CCDC91: variants seen among roughly 807,000 people sequenced by gnomAD.
The protein encoded by CCDC91 is coiled-coil domain-containing protein 91.
Under a neutral mutation model 63.2 loss-of-function variants are expected in CCDC91, and 48 were observed. The ratio of observed to expected loss-of-function variants is 0.76; its 90% CI spans 0.60 to 0.97. CCDC91 has a LOEUF of 0.97. Ranked by LOEUF, CCDC91 falls within the 50% of genes least tolerant of loss-of-function variation. The pLI is 0.00. For synonymous variants in CCDC91, 167 were observed against 165.8 expected (o/e 1.01, Z -0.06); for missense variants, 500 against 494.6 (o/e 1.01, Z -0.10).
At chr12:28,213,341 C>T (rs1465214986) in intron 1 of CCDC91, among the ~76,000 whole-genome samples, 2 of 152,172 alleles carry the variant, frequency 1.3e-5, no homozygotes, top group Non-Finnish European at 2.9e-5. Flanking sequence ...AAGTGTGACC[C>T]ATGAAGACAT....
intron 8 of CCDC91, among the ~76,000 whole-genome samples, chr12:28,434,023 T>G (rs1948767704): frequency 6.6e-6 from 1 of 151,922 alleles, no homozygotes; most frequent in Non-Finnish European, 1.5e-5. Flanking sequence ...GGAAAAAGAT[T>G]GACTGTTCTA....
intron 12 of CCDC91, among the ~76,000 whole-genome samples, chr12:28,512,044 T>C (rs1374153076): frequency 6.6e-6 from 1 of 151,874 alleles, no homozygotes; most frequent in African/African-American, 2.4e-5. Flanking sequence ...TACCATCTTG[T>C]GTTCATCTTA....
chr12:28,478,796 G>A (rs1272886841), intron 11 of CCDC91, among the ~76,000 whole-genome samples: 1 of 152,018 alleles, frequency 6.6e-6, no homozygotes, highest in African/African-American at 2.4e-5. Context: ...TCAAAAAGTG[G>A]GCAAAGTATA....
intron 6 of CCDC91, among the ~76,000 whole-genome samples, chr12:28,326,348 TTGAA>T (rs1400374076): frequency 1.3e-5 from 2 of 151,588 alleles, no homozygotes; most frequent in East Asian, 3.9e-4. Context: ...AATTTAATGT[TTGAA>T]TGATTTTTAT....
intron 1 of CCDC91, among the ~76,000 whole-genome samples, chr12:28,249,748 G>C (rs1208319637): frequency 2.0e-5 from 3 of 151,756 alleles, no homozygotes; most frequent in Admixed American, 6.6e-5. Context: ...CAGTAAAGAG[G>C]ATAAAGGACT....
At chr12:28,210,017 G>A (rs1206958694) in intron 1 of CCDC91, among the ~76,000 whole-genome samples, 1 of 152,022 alleles carries the variant, frequency 6.6e-6, no homozygotes, top group Non-Finnish European at 1.5e-5. Context: ...CAACATGCTT[G>A]TACTTTCTGA....
chr12:28,488,676 A>G (rs1446881871), intron 12 of CCDC91, among the ~76,000 whole-genome samples: 1 of 151,950 alleles, frequency 6.6e-6, no homozygotes, highest in East Asian at 1.9e-4. Context: ...GGCAGAAATT[A>G]TCTAATTTTA....
chr12:28,288,413 G>A (rs1949031863), intron 3 of CCDC91, among the ~76,000 whole-genome samples: 1 of 152,178 alleles, frequency 6.6e-6, no homozygotes, highest in South Asian at 2.1e-4. Context: ...ATGAAGGAAT[G>A]TTGAATTTTA....
In CCDC91 at chr12:28,362,482, C is replaced by T. The variant is rs765831504; in HGVS notation, c.621C>T (p.His207=). The change falls in exon 7 of 13, where the codon CAC becomes CAT. Residue 207 remains histidine (H), a synonymous_variant. Transcript: ENST00000536442. ...TGGAAGACATGAGGAAAGCTGGTCACGAAGCCCTCAGCATTATTGTGGATG... is the reference window on the plus strand; with the variant it reads ...TGGAAGACATGAGGAAAGCTGGTCATGAAGCCCTCAGCATTATTGTGGATG... ...QELEDMRKAG[H]EALSIIVDEY... is the part of the protein sequence containing the mutation. 34 of 1,598,442 alleles carry T rather than the reference C, an allele frequency of 2.1e-5. No homozygotes were observed. The Admixed American group carries it at 2.4e-4, about 11-fold the overall frequency.
At chr12:28,366,366 C>T (rs552826871) in intron 7 of CCDC91, among the ~76,000 whole-genome samples, 1 of 152,254 alleles carries the variant, frequency 6.6e-6, no homozygotes, top group East Asian at 1.9e-4. Flanking sequence ...AAACAAACCT[C>T]ACGAAAAGCC....
At chr12:28,503,884 A>G (rs1167236926) in intron 12 of CCDC91, among the ~76,000 whole-genome samples, 2 of 151,106 alleles carry the variant, frequency 1.3e-5, no homozygotes, top group African/African-American at 2.4e-5. Context: ...GAATTGAACA[A>G]TGAGAACACA....
chr12:28,420,404 C>A (rs1947930967), intron 8 of CCDC91, among the ~76,000 whole-genome samples: 1 of 152,002 alleles, frequency 6.6e-6, no homozygotes, highest in African/African-American at 2.4e-5. Flanking sequence ...GTGAATAATT[C>A]TTTTATTTAA....
intron 3 of CCDC91, among the ~76,000 whole-genome samples, chr12:28,277,003 A>G (rs1319999002): frequency 6.6e-6 from 1 of 151,956 alleles, no homozygotes; most frequent in Non-Finnish European, 1.5e-5. Context: ...GAGATATGGT[A>G]TCAGTTTTCC....
At chr12:28,256,366 C>G (rs1156887007) in intron 1 of CCDC91, among the ~76,000 whole-genome samples, 1 of 151,354 alleles carries the variant, frequency 6.6e-6, no homozygotes, top group East Asian at 1.9e-4. Flanking sequence ...TATACTTCCT[C>G]TTACTAATTT....
chr12:28,384,755 T>G (rs1945499239), intron 7 of CCDC91, among the ~76,000 whole-genome samples: 1 of 152,076 alleles, frequency 6.6e-6, no homozygotes. Flanking sequence ...TTCATGTGAT[T>G]TTGGCCATAT....
chr12:28,288,364 C>T (rs1346325571), intron 3 of CCDC91, among the ~76,000 whole-genome samples: 1 of 152,004 alleles, frequency 6.6e-6, no homozygotes, highest in African/African-American at 2.4e-5. Flanking sequence ...TATTTTGAGG[C>T]ATGTTCTTTC....
intron 1 of CCDC91, among the ~76,000 whole-genome samples, chr12:28,247,814 G>A (rs1945855922): frequency 1.3e-5 from 2 of 152,158 alleles, no homozygotes; most frequent in African/African-American, 2.4e-5. Context: ...GTTGGGAGAT[G>A]GTTTTGGGAT....
intron 8 of CCDC91, among the ~76,000 whole-genome samples, chr12:28,412,466 C>T (rs1044477904): frequency 6.6e-6 from 1 of 152,146 alleles, no homozygotes; most frequent in African/African-American, 2.4e-5. Flanking sequence ...GCCATCATCT[C>T]TTCCCCATCT....
chr12:28,335,568 C>G (rs994621159), intron 6 of CCDC91, among the ~76,000 whole-genome samples: 9 of 150,970 alleles, frequency 6.0e-5, no homozygotes, highest in Non-Finnish European at 1.0e-4. Context: ...CCACCGTGCC[C>G]GTCTGATTCT....
Sources: gnomAD v4.1 joint callset for allele counts (sites outside exome capture counted in the v4.1 genomes callset) on GRCh38, gnomAD v4.1.1 for gene constraint, MANE v1.5 for transcripts, NCBI Gene and HGNC (gene_info 2026-07-23, HGNC 2026-07-21) for gene names.